The following MKLN1 variants were observed in gnomAD, a reference collection of about 807,000 sequenced individuals.
MKLN1 encodes the protein muskelin.
MKLN1 carries 18 observed loss-of-function variants against 99.0 expected under a neutral mutation model. That is an observed-to-expected ratio of 0.18 (90% CI 0.13 to 0.27). MKLN1 has a LOEUF of 0.27. Ranked by LOEUF, MKLN1 falls within the 10% of genes least tolerant of loss-of-function variation. The pLI is 1.00. For missense variants in MKLN1, 621 were observed against 875.9 expected (o/e 0.71, Z 3.67); for synonymous variants, 288 against 293.2 (o/e 0.98, Z 0.18).
At chr7:131,214,815 T>A (rs1165809830) in intron 3 of MKLN1, among the ~76,000 whole-genome samples, 1 of 152,238 alleles carries the variant, frequency 6.6e-6, no homozygotes, top group Admixed American at 6.5e-5. Context: ...AGAACTGACA[T>A]CTTTATGATA....
intron 3 of MKLN1, among the ~76,000 whole-genome samples, chr7:131,208,681 C>T (rs945280083): frequency 2.6e-5 from 4 of 152,154 alleles, no homozygotes; most frequent in Non-Finnish European, 5.9e-5. Context: ...AAAAATCTTT[C>T]CCTTCATTTA....
upstream of MKLN1, chr7:131,327,792 G>A: frequency 6.9e-7 from 1 of 1,452,188 alleles, no homozygotes; most frequent in East Asian, 2.5e-5. Flanking sequence ...GGGGCGGGGA[G>A]CGCGGGCGGC....
intron 15 of MKLN1, among the ~76,000 whole-genome samples, chr7:131,469,841 G>C (rs1796769048): frequency 6.6e-6 from 1 of 151,398 alleles, no homozygotes; most frequent in Non-Finnish European, 1.5e-5. Flanking sequence ...TTGTTGTTTA[G>C]GAGAACTCAT....
chr7:131,110,120 G>A, upstream of MKLN1: 1 of 247,620 alleles, frequency 4.0e-6, no homozygotes, highest in Non-Finnish European at 7.9e-6. Context: ...GTAGCGAAGG[G>A]CTAGAGGCAA....
In MKLN1 at chr7:131,496,158, C is replaced by T. The variant is rs1797555119; in HGVS notation, c.*8430C>T. 6.6e-6 allele frequency: 1 copy of T among 152,068 alleles called. No individual in the cohort carries two copies. The highest frequency in any genetic ancestry group is 1.5e-5 in the Non-Finnish European group (1 of 68,032). 9.4% of individuals were successfully genotyped at this position (152,068 alleles called of 1,614,324 possible). A position where few individuals can be genotyped will look rare whatever the true frequency, so the allele number is the denominator to read the frequency against. On this transcript the variant is annotated 3_prime_UTR_variant, in exon 18 of 18. Coordinates refer to ENST00000352689, the MANE Select transcript of MKLN1 (RefSeq NM_013255.5). ...GATGAGACTCAATGTGTGGAGAAAA[C>T]CGCTAACTTGTTTGGTTCTACTCTT...
intron 2 of MKLN1, among the ~76,000 whole-genome samples, chr7:131,147,119 C>G (rs951783919): frequency 4.6e-5 from 7 of 151,948 alleles, no homozygotes; most frequent in Non-Finnish European, 1.0e-4. Context: ...AGTGCAATGG[C>G]ACAGTCTCAG....
intron 6 of MKLN1, among the ~76,000 whole-genome samples, chr7:131,403,188 A>G (rs768122255): frequency 6.6e-6 from 1 of 152,176 alleles, no homozygotes; most frequent in Admixed American, 6.5e-5. Flanking sequence ...TGCATCTTCT[A>G]TAATACATCA....
chr7:131,397,274 C>G lies in MKLN1; in HGVS notation c.408C>G (p.Leu136=). The G allele has an allele frequency of 1.2e-6, 2 of 1,605,630 alleles. No homozygotes were observed. Among genetic ancestry groups the G allele is most frequent in the African/African-American group, 1.3e-5 (1 of 74,604 alleles). ...TGTTTTTTCTCCTTAAAGTTCCACT[C>G]TTGTCCTGGGGACCCAGCTTTAACT... ...FPCRFIKIVP[L]LSWGPSFNFS... is the part of the protein sequence containing the mutation. The change falls in exon 5 of 18, where the codon CTC becomes CTG. Residue 136 remains leucine (L), a synonymous_variant. Coordinates refer to ENST00000352689, the MANE Select transcript of MKLN1 (RefSeq NM_013255.5).
chr7:131,397,406 A>G, intron 5 of MKLN1, 30 bp downstream of exon 5: 2 of 1,186,762 alleles, frequency 1.7e-6, no homozygotes, highest in South Asian at 1.4e-5. Flanking sequence ...CCTGACTTTA[A>G]TGCCTATAAA....
At chr7:131,259,128 T>C (rs1197654834) in intron 3 of MKLN1, among the ~76,000 whole-genome samples, 2 of 152,118 alleles carry the variant, frequency 1.3e-5, no homozygotes, top group African/African-American at 4.8e-5. Flanking sequence ...AAAATATATA[T>C]ATATAAAACA....
chr7:131,431,215 C>G (rs1410038505), intron 9 of MKLN1, among the ~76,000 whole-genome samples: 1 of 150,428 alleles, frequency 6.6e-6, no homozygotes, highest in Non-Finnish European at 1.5e-5. Context: ...GAGTGAGACT[C>G]TGTCTCAAAA....
chr7:131,488,882 G>A lies in MKLN1; in HGVS notation c.*1154G>A, dbSNP rs1797354727. On this transcript the variant is annotated 3_prime_UTR_variant, in exon 18 of 18. Transcript: ENST00000352689. The stretch of plus-strand genomic sequence containing the variant: ...ATTAAAAAACAAGGTATGGCAGATG[G>A]ACTTTTCCATGGGTCAAATTTTTTG... The A allele has an allele frequency of 6.6e-6, 1 of 152,134 alleles. No individual in the cohort carries two copies. The highest frequency in any genetic ancestry group is 1.5e-5 in the Non-Finnish European group (1 of 68,008). 9.4% of individuals were successfully genotyped at this position (152,134 alleles called of 1,614,324 possible). A position where few individuals can be genotyped will look rare whatever the true frequency, so the allele number is the denominator to read the frequency against.
intron 2 of MKLN1, among the ~76,000 whole-genome samples, chr7:131,177,303 T>A (rs1181821530): frequency 6.6e-6 from 1 of 151,958 alleles, no homozygotes. Context: ...CCGTCTCTAC[T>A]GAAAATACAA....
Position 131,239,285 on chromosome 7 carries a change from C to T in MKLN1, c.-179+36311C>T, listed in dbSNP as rs140708903. 3.4e-3 allele frequency among the ~76,000 whole-genome samples: 513 copies of T among 151,586 alleles called. 3 individuals carry two copies. Among genetic ancestry groups the T allele is most frequent in the Non-Finnish European group, 2.7e-3 (181 of 67,914 alleles). On this transcript the variant is annotated intron_variant, in intron 3 of 7. Coordinates refer to the MKLN1 transcript ENST00000416992. The stretch of plus-strand genomic sequence containing the variant: ...GGAATGGCTAAATCAAGCTAATTTA[C>T]GTATTATGTGTTACCTCATATGCTT...
chr7:131,145,083 CTT>C (rs1795798277), intron 2 of MKLN1, among the ~76,000 whole-genome samples: 1 of 152,152 alleles, frequency 6.6e-6, no homozygotes, highest in Admixed American at 6.6e-5. Flanking sequence ...TCCCCGAACA[CTT>C]ATATCGATGA....
chr7:131,443,441 A>G (rs200503504), intron 10 of MKLN1, 40 bp from the exon 11 acceptor site: 225 of 1,450,472 alleles, frequency 1.6e-4, no homozygotes, highest in Non-Finnish European at 2.1e-4. Flanking sequence ...TATGACAGGA[A>G]CAAACTAAAA....
Position 131,488,005 on chromosome 7 carries a change from GAATT to G in MKLN1, c.*281_*284del, listed in dbSNP as rs554436380. On this transcript the variant is annotated 3_prime_UTR_variant, in exon 18 of 18. Transcript: ENST00000352689. ...TATTTTTTCTTACTTTATCTTTTAA[GAATT>G]AATGAGTATAAAAGAAAAATTAGGC... 6.4e-3 allele frequency: 1,029 copies of G among 160,194 alleles called. 6 individuals are homozygous for G. The highest frequency in any genetic ancestry group is 0.015 in the South Asian group (75 of 4,880). The allele number at this position is 160,194 out of a possible 1,614,324, so 9.9% of individuals were successfully genotyped here. A position where few individuals can be genotyped will look rare whatever the true frequency, so the allele number is the denominator to read the frequency against.
At chr7:131,146,019 T>C (rs1300897763) in intron 2 of MKLN1, among the ~76,000 whole-genome samples, 6 of 152,224 alleles carry the variant, frequency 3.9e-5, no homozygotes, top group African/African-American at 1.4e-4. Context: ...ACGTGATTAA[T>C]GAGGTTGTCA....
Position 131,494,876 on chromosome 7 carries a change from C to T in MKLN1, c.*7148C>T, listed in dbSNP as rs1172396449. On this transcript the variant is annotated 3_prime_UTR_variant, in exon 18 of 18. Coordinates refer to ENST00000352689, the MANE Select transcript of MKLN1 (RefSeq NM_013255.5). ...GAGTTGAAAATAATGTAACATTTTC[C>T]TGTGAACAGATTCCTTTATGCGTAC... The T allele has an allele frequency of 1.3e-5, 2 of 152,242 alleles. No individual in the cohort carries two copies. Among genetic ancestry groups the T allele is most frequent in the East Asian group, 3.9e-4 (2 of 5,188 alleles). The allele number at this position is 152,242 out of a possible 1,614,324, so 9.4% of individuals were successfully genotyped here.
Sources: gnomAD v4.1 joint callset for allele counts (sites outside exome capture counted in the v4.1 genomes callset) on GRCh38, gnomAD v4.1.1 for gene constraint, MANE v1.5 for transcripts, NCBI Gene and HGNC (gene_info 2026-07-23, HGNC 2026-07-21) for gene names.